TTLL7: variants seen among roughly 807,000 people sequenced by gnomAD.
The protein encoded by TTLL7 is tubulin polyglutamylase TTLL7.
A neutral mutation model predicts 120.2 loss-of-function variants in TTLL7; 53 were observed. The observed-to-expected ratio is 0.44, with a 90% confidence interval of 0.35 to 0.55. TTLL7 has a LOEUF of 0.55. Ranked by LOEUF, TTLL7 falls within the 20% of genes least tolerant of loss-of-function variation. TTLL7 has a pLI of 0.00. For missense variants in TTLL7, 803 were observed against 1,054.7 expected, an observed-to-expected ratio of 0.76 and a Z score of 3.31; for synonymous variants, 353 against 351.7, an observed-to-expected ratio of 1.00 and a Z score of -0.04.
At chr1:83,872,788 G>A (rs1344397897) in intron 20 of TTLL7, among the ~76,000 whole-genome samples, 2 of 152,122 alleles carry the variant, frequency 1.3e-5, no homozygotes, top group African/African-American at 4.8e-5. Flanking sequence ...AGCACTATTC[G>A]AATTGCTTTA....
At position 83,868,560 on chromosome 1, in the gene TTLL7, C is replaced by T. The variant is rs1653072377; in HGVS notation, c.*1402G>A. ...ACTTGTAATATGTGATAATTGAAAT[C>T]TTCTATTCACAATCCTTTAACTGTT... On this transcript the variant is annotated 3_prime_UTR_variant, in exon 21 of 21. Coordinates refer to ENST00000260505, the MANE Select transcript of TTLL7 (RefSeq NM_024686.6). 1 of 152,174 alleles carries T rather than the reference C, an allele frequency of 6.6e-6. No homozygotes were observed. Among genetic ancestry groups the T allele is most frequent in the Non-Finnish European group, 1.5e-5 (1 of 68,028 alleles). The allele number at this position is 152,174 out of a possible 1,614,324, so 9.4% of individuals were successfully genotyped here.
intron 1 of TTLL7, among the ~76,000 whole-genome samples, chr1:83,969,629 C>T (rs1407153293): frequency 6.6e-6 from 1 of 151,852 alleles, no homozygotes; most frequent in Non-Finnish European, 1.5e-5. Context: ...TTTGTTAATT[C>T]CACTTAGGAA....
chr1:83,922,324 A>G, intron 10 of TTLL7, among the ~76,000 whole-genome samples: 1 of 152,322 alleles, frequency 6.6e-6, no homozygotes, highest in East Asian at 1.9e-4. Context: ...ACCAAAGGAA[A>G]GGCGACAAGA....
At position 83,865,204 on chromosome 1, in the gene TTLL7, G is replaced by A. The variant is rs1367868880; in HGVS notation, c.*4758C>T. Reference sequence around the variant, plus strand: ...TTCATATACAGGTAGTAAAGCACACGGGGATAATGTGAGTCATGATTCATG... The same window carrying A: ...TTCATATACAGGTAGTAAAGCACACAGGGATAATGTGAGTCATGATTCATG... On this transcript the variant is annotated 3_prime_UTR_variant, in exon 21 of 21. Transcript: ENST00000260505. 6.6e-6 allele frequency: 1 copy of A among 151,886 alleles called. No homozygotes were observed. Among genetic ancestry groups the A allele is most frequent in the Non-Finnish European group, 1.5e-5 (1 of 67,882 alleles). 9.4% of individuals were successfully genotyped at this position (151,886 alleles called of 1,614,324 possible). A position where few individuals can be genotyped will look rare whatever the true frequency, so the allele number is the denominator to read the frequency against.
chr1:83,911,386 A>G (rs1346728077), intron 14 of TTLL7, 23 bp from the exon 15 acceptor site: 3 of 1,558,224 alleles, frequency 1.9e-6, no homozygotes, highest in African/African-American at 1.4e-5. Flanking sequence ...GAAATGTGTT[A>G]TTTTGTTAGA....
intron 20 of TTLL7, 47 bp from the exon 21 acceptor site, chr1:83,870,129 C>CT: frequency 6.6e-7 from 1 of 1,507,294 alleles, no homozygotes; most frequent in Non-Finnish European, 8.8e-7. Flanking sequence ...CAAATTATAA[C>CT]TAACTCACTA....
chr1:83,978,360 A>G lies in TTLL7; in HGVS notation c.-177+20571T>C, dbSNP rs568135858. On this transcript the variant is annotated intron_variant, in intron 1 of 20. Transcript: ENST00000260505. ...CAGATGAGAAACCACTAATTAGAGGAAACAGCCTAACCAAGGGACCCTTAA... is the reference window on the plus strand; with the variant it reads ...CAGATGAGAAACCACTAATTAGAGGGAACAGCCTAACCAAGGGACCCTTAA... Among the ~76,000 whole-genome samples, 103 of 152,306 alleles carry G rather than the reference A, an allele frequency of 6.8e-4. 1 individual carries two copies. The highest frequency in any genetic ancestry group is 4.1e-3 in the South Asian group (20 of 4,826).
chr1:83,889,906 G>T, intron 19 of TTLL7: 1 of 457,298 alleles, frequency 2.2e-6, no homozygotes, highest in Non-Finnish European at 4.4e-6. Flanking sequence ...GCCAAGAAAG[G>T]AAGCCATTTC....
chr1:83,982,560 C>A (rs1010035733), intron 1 of TTLL7, among the ~76,000 whole-genome samples: 2 of 151,948 alleles, frequency 1.3e-5, no homozygotes, highest in Non-Finnish European at 2.9e-5. Context: ...AATAGCCACA[C>A]ACAAAAAAAA....
chr1:83,956,427 C>CTTTTTTTTT (rs35592317), intron 1 of TTLL7, among the ~76,000 whole-genome samples: 1 of 136,062 alleles, frequency 7.3e-6, no homozygotes, highest in African/African-American at 2.7e-5. Flanking sequence ...ACCTAGCCCA[C>CTTTTTTTTT]TTTTTTTTTT....
At chr1:83,994,665 A>G (rs1396157556) in intron 1 of TTLL7, among the ~76,000 whole-genome samples, 1 of 152,190 alleles carries the variant, frequency 6.6e-6, no homozygotes, top group Non-Finnish European at 1.5e-5. Flanking sequence ...GCAAATGTAC[A>G]GGGGAGGCAG....
At chr1:83,935,508 C>T (rs1647300871) in intron 8 of TTLL7, among the ~76,000 whole-genome samples, 1 of 150,358 alleles carries the variant, frequency 6.7e-6, no homozygotes, top group Admixed American at 6.7e-5. Flanking sequence ...TAGATTTATA[C>T]CTTAGGTATA....
intron 5 of TTLL7, 107 bp downstream of exon 5, chr1:83,948,521 A>G: frequency 1.3e-6 from 1 of 777,850 alleles, no homozygotes; most frequent in South Asian, 2.0e-5. Context: ...TATCACTCTC[A>G]TCTAAATATC....
chr1:83,985,181 C>T (rs1305588888), intron 1 of TTLL7, among the ~76,000 whole-genome samples: 2 of 152,138 alleles, frequency 1.3e-5, no homozygotes, highest in Non-Finnish European at 2.9e-5. Flanking sequence ...AAGCTTCAAA[C>T]CAGGGAAGCC....
In TTLL7 at chr1:83,933,659, G is replaced by A. The variant is rs377664241; in HGVS notation, c.996C>T (p.Val332=). 1.8e-5 allele frequency: 29 copies of A among 1,613,544 alleles called. No homozygotes were observed. The highest frequency in any genetic ancestry group is 2.5e-5 in the Non-Finnish European group (29 of 1,179,760). The change falls in exon 9 of 21, where the codon GTC becomes GTT. Residue 332 remains valine (V), a synonymous_variant. Transcript: ENST00000260505. ...PPGSESVCFE[V]LGFDILLDRK... Reference sequence around the variant, plus strand: ...TATCCAACAAAATATCAAATCCCAGGACTTCAAAGCAGACACTTTCGCTTC... The same window carrying A: ...TATCCAACAAAATATCAAATCCCAGAACTTCAAAGCAGACACTTTCGCTTC...
At chr1:83,871,015 T>G (rs1424597485) in intron 20 of TTLL7, among the ~76,000 whole-genome samples, 3 of 149,386 alleles carry the variant, frequency 2.0e-5, no homozygotes, top group African/African-American at 7.3e-5. Context: ...AATATGGTGA[T>G]TTATATATAT....
rs1285592331 is a variant in TTLL7, at chr1:83,869,347, A to G, written c.*615T>C. 1.3e-5 allele frequency: 2 copies of G among 152,242 alleles called. No individual in the cohort carries two copies. The highest frequency in any genetic ancestry group is 4.8e-5 in the African/African-American group (2 of 41,450). The allele number at this position is 152,242 out of a possible 1,614,324, so 9.4% of individuals were successfully genotyped here. A position where few individuals can be genotyped will look rare whatever the true frequency, so the allele number is the denominator to read the frequency against. On this transcript the variant is annotated 3_prime_UTR_variant, in exon 21 of 21. Transcript: ENST00000260505. ...AAAATGTACCTTATTACAAGTAGCT[A>G]AATTTCCACATAGAGGAATAAAAAG...
intron 14 of TTLL7, among the ~76,000 whole-genome samples, chr1:83,917,225 C>T (rs1252079833): frequency 2.6e-5 from 4 of 151,948 alleles, no homozygotes; most frequent in Non-Finnish European, 5.9e-5. Context: ...AAAGACAGGG[C>T]TTCTAATTAG....
rs1394060856 is a variant in TTLL7 at position 83,892,532 on chromosome 1, G to T, written c.2209-2051C>A. Reference sequence around the variant, plus strand: ...TGAACATATATATGAACATATATATGAACATATGAATGAACATATATATGA... The same window carrying T: ...TGAACATATATATGAACATATATATTAACATATGAATGAACATATATATGA... On this transcript the variant is annotated intron_variant, in intron 18 of 20. Transcript: ENST00000260505. Among the ~76,000 whole-genome samples the T allele has an allele frequency of 3.4e-5, 4 of 117,238 alleles. No homozygotes were observed. The Admixed American group carries it at 3.4e-4, about 10-fold the overall frequency. The allele number at this position is 117,238 out of a possible 152,430, so 76.9% of individuals were successfully genotyped here.
Sources: allele counts gnomAD v4.1 joint callset (sites outside exome capture counted in the v4.1 genomes callset), GRCh38; gene constraint gnomAD v4.1.1; transcripts MANE v1.5; gene names NCBI Gene and HGNC (gene_info 2026-07-23, HGNC 2026-07-21).